PLOD1: variants seen among roughly 807,000 people sequenced by gnomAD.
The protein encoded by PLOD1 is lysine hydroxylase.
In PLOD1, 70 loss-of-function variants were observed where a neutral mutation model predicts 94.7. The ratio of observed to expected loss-of-function variants is 0.74; its 90% CI spans 0.61 to 0.90. The LOEUF is 0.90. PLOD1 is among the 40% of genes least tolerant of loss of function. PLOD1 has a pLI of 0.00. For missense variants in PLOD1, 905 were observed against 972.7 expected, an observed-to-expected ratio of 0.93 and a Z score of 0.93; for synonymous variants, 417 against 400.2, an observed-to-expected ratio of 1.04 and a Z score of -0.50.
intron 5 of PLOD1, chr1:11,954,248 G>A (rs1325611828): frequency 2.0e-5 from 5 of 252,256 alleles, no homozygotes; most frequent in South Asian, 1.6e-4. Context: ...GGGCGGGGGC[G>A]GATCACCTGA....
In PLOD1 at chr1:11,953,009, G is replaced by A. The variant is rs72641005; in HGVS notation, c.579+274G>A. On this transcript the variant is annotated intron_variant, in intron 5 of 18. Transcript: ENST00000196061. The stretch of plus-strand genomic sequence containing the variant: ...ACTTCTCTCTGTGTCCTCAGATGGT[G>A]GAAGGGGGTAGGGAGCTCACTGGGG... 0.069 allele frequency among the ~76,000 whole-genome samples: 10,481 copies of A among 152,226 alleles called. 428 individuals carry two copies. Among genetic ancestry groups the A allele is most frequent in the East Asian group, 0.15 (762 of 5,168 alleles).
At chr1:11,948,497 G>A (rs1259592039) in intron 2 of PLOD1, among the ~76,000 whole-genome samples, 1 of 152,166 alleles carries the variant, frequency 6.6e-6, no homozygotes, top group Non-Finnish European at 1.5e-5. Flanking sequence ...CACTTTGGGA[G>A]TCTGATGATC....
At chr1:11,947,653 T>A (rs1645665735) in intron 1 of PLOD1, among the ~76,000 whole-genome samples, 1 of 152,214 alleles carries the variant, frequency 6.6e-6, no homozygotes. Context: ...AAGCCATTCA[T>A]GAGGGATCTA....
At position 11,972,580 on chromosome 1, in the gene PLOD1, T is replaced by G; in HGVS notation, c.1903-292T>G. ...TTCCCTTTCATTTCTTCTCTTCCCT[T>G]TCATTTCTTCTCTTCCCTTTTCCTC... On this transcript the variant is annotated intron_variant, in intron 17 of 18. Transcript: ENST00000196061. This position sits in a 1 kb window ranked among gnomAD's most constrained non-coding sequence, Gnocchi z 4.6. 2 of 384,390 alleles carry G rather than the reference T, an allele frequency of 5.2e-6. No individual in the cohort carries two copies. Among genetic ancestry groups the G allele is most frequent in the Non-Finnish European group, 9.9e-6 (2 of 201,210 alleles). The allele number at this position is 384,390 out of a possible 1,614,324, so 23.8% of individuals were successfully genotyped here. A position where few individuals can be genotyped will look rare whatever the true frequency, so the allele number is the denominator to read the frequency against.
chr1:11,934,904 C>T lies in PLOD1; in HGVS notation c.76+49C>T, dbSNP rs996124293. 84 of 1,523,666 alleles carry T rather than the reference C, an allele frequency of 5.5e-5. No individual in the cohort carries two copies. The African/African-American group carries it at 1.0e-3, about 19-fold the overall frequency. The allele number at this position is 1,523,666 out of a possible 1,614,324, so 94.4% of individuals were successfully genotyped here. A position where few individuals can be genotyped will look rare whatever the true frequency, so the allele number is the denominator to read the frequency against. ...GGGAGCGCGGATCCGGGCGGGAGGG[C>T]TGGTGTCGGGCTGCCTCCCTGGGAA... On this transcript the variant is annotated intron_variant, in intron 1 of 18. Coordinates refer to ENST00000196061, the MANE Select transcript of PLOD1 (RefSeq NM_000302.4).
rs142978362 is a variant in PLOD1, at chr1:11,952,711, G to A, written c.555G>A (p.Lys185=). The change falls in exon 5 of 19, where the codon AAG becomes AAA. Residue 185 remains lysine (K), a synonymous_variant. Transcript: ENST00000196061. ...DSDSDQLFYT[K]IFLDPEKREQ... ...ACAGCGATCAGCTGTTTTACACCAA[G>A]ATCTTCTTGGACCCGGAGAAGAGGG... The A allele has an allele frequency of 6.2e-7, 1 of 1,613,534 alleles. No homozygotes were observed. The highest frequency in any genetic ancestry group is 1.3e-5 in the African/African-American group (1 of 74,918).
rs147536755 is a variant in PLOD1, at chr1:11,960,655, C to T, written c.985C>T (p.His329Tyr). 5 of 1,612,472 alleles carry T rather than the reference C, an allele frequency of 3.1e-6. No individual in the cohort carries two copies. The highest frequency in any genetic ancestry group is 4.2e-6 in the Non-Finnish European group (5 of 1,179,772). Residue 329 changes from histidine to tyrosine, a missense_variant, in exon 10 of 19, where the codon CAC (histidine) becomes TAC (tyrosine). Coordinates refer to ENST00000196061, the MANE Select transcript of PLOD1 (RefSeq NM_000302.4). ...CCATCCCCAACCCCAGGAGCAGCAC[C>T]ACAAGGCTCAGGTGGAAGAGTTCCT... is the stretch of plus-strand genomic sequence containing the variant. ...RLFIHNHEQH[H>Y]KAQVEEFLAQ... is the part of the protein sequence containing the mutation.
intron 9 of PLOD1, among the ~76,000 whole-genome samples, chr1:11,959,078 G>A (rs76224853): frequency 0.058 from 8,747 of 152,078 alleles, 356 homozygotes; most frequent in East Asian, 0.12. Flanking sequence ...GGTGGCAGAT[G>A]CCTGTAATCC....
Position 11,952,684 on chromosome 1 carries a change from C to T in PLOD1, c.528C>T (p.Ser176=), listed in dbSNP as rs776200742. The T allele has an allele frequency of 1.7e-5, 27 of 1,613,896 alleles. No individual in the cohort carries two copies. The South Asian group carries it at 2.0e-4, about 12-fold the overall frequency. ...TGGCCGAGTGGGAGGGCCAGGACAG[C>T]GACAGCGATCAGCTGTTTTACACCA... ...KLVAEWEGQD[S]DSDQLFYTKI... Residue 176 remains serine, a synonymous_variant, in exon 5 of 19, where the codon AGC becomes AGT. Coordinates refer to ENST00000196061, the MANE Select transcript of PLOD1 (RefSeq NM_000302.4).
chr1:11,952,360 C>G (rs988093104), intron 4 of PLOD1, among the ~76,000 whole-genome samples: 5 of 152,232 alleles, frequency 3.3e-5, no homozygotes, highest in African/African-American at 1.2e-4. Context: ...ATATGGTGCC[C>G]AGCACTGAAC....
intron 5 of PLOD1, chr1:11,954,310 CAAAAAAAAA>C (rs754503001): frequency 5.1e-4 from 83 of 161,594 alleles, no homozygotes; most frequent in African/African-American, 2.4e-3. Context: ...CCATCTCTAG[CAAAAAAAAA>C]AAAAAAAAAA....
In PLOD1 at chr1:11,967,616, A is replaced by ATATATATATATAT. The variant is rs35226154; in HGVS notation, c.1755+525_1755+526insTATATATATATAT. Among the ~76,000 whole-genome samples, 483 of 74,852 alleles carry ATATATATATATAT rather than the reference A, an allele frequency of 6.5e-3. 30 individuals carry two copies. Among genetic ancestry groups the ATATATATATATAT allele is most frequent in the African/African-American group, 0.015 (229 of 15,240 alleles). The allele number at this position is 74,852 out of a possible 152,430, so 49.1% of individuals were successfully genotyped here. On this transcript the variant is annotated intron_variant, in intron 16 of 18. Transcript: ENST00000196061. The stretch of plus-strand genomic sequence containing the variant: ...GTGTGTGTATATATATATATATATA[A>ATATATATATATAT]AAAGAAATATATATAGATTTTATTT...
At chr1:11,960,610 TCA>T in intron 9 of PLOD1, 34 bp from the exon 10 acceptor site, 1 of 1,430,506 alleles carries the variant, frequency 7.0e-7, no homozygotes, top group Non-Finnish European at 9.8e-7. Flanking sequence ...GTCCTCCTCC[TCA>T]CCCCCGCATC....
At chr1:11,951,592 AATATATTAT>A (rs1273126277) in intron 4 of PLOD1, among the ~76,000 whole-genome samples, 2 of 146,084 alleles carry the variant, frequency 1.4e-5, no homozygotes, top group African/African-American at 5.0e-5. Flanking sequence ...TATAATGTAA[AATATATTAT>A]ATATATTATA....
intron 4 of PLOD1, 52 bp from the exon 5 acceptor site, chr1:11,952,571 A>G: frequency 7.5e-7 from 1 of 1,332,216 alleles, no homozygotes; most frequent in Non-Finnish European, 1.1e-6. Context: ...CCCCTGACTT[A>G]GAGGCTGGAA....
At chr1:11,955,463 C>T (rs1185477733) in intron 6 of PLOD1, among the ~76,000 whole-genome samples, 2 of 152,180 alleles carry the variant, frequency 1.3e-5, no homozygotes, top group African/African-American at 4.8e-5. Flanking sequence ...ACCGGATCCA[C>T]TGATTGCTGA....
At chr1:11,946,379 G>T (rs1384679762) in intron 1 of PLOD1, among the ~76,000 whole-genome samples, 2 of 152,176 alleles carry the variant, frequency 1.3e-5, no homozygotes, top group Non-Finnish European at 2.9e-5. Context: ...TGTTAAAATT[G>T]TAGGAATGGC....
At chr1:11,941,617 T>C (rs1645616073) in intron 1 of PLOD1, among the ~76,000 whole-genome samples, 1 of 151,812 alleles carries the variant, frequency 6.6e-6, no homozygotes, top group South Asian at 2.1e-4. Context: ...ATAGCAGGGA[T>C]TATAGGCGCC....
chr1:11,936,031 G>T (rs1645576132), intron 1 of PLOD1, among the ~76,000 whole-genome samples: 2 of 152,144 alleles, frequency 1.3e-5, no homozygotes, highest in African/African-American at 4.8e-5. Context: ...GTTTCACCAT[G>T]TTGGCCAGGC....
Sources: gnomAD v4.1 joint callset for allele counts (sites outside exome capture counted in the v4.1 genomes callset) on GRCh38, gnomAD v4.1.1 for gene constraint, Gnocchi (gnomAD v3.1) non-coding constraint, MANE v1.5 for transcripts, NCBI Gene and HGNC (gene_info 2026-07-23, HGNC 2026-07-21) for gene names.